The following POGLUT1 variants were observed in gnomAD, a reference collection of about 807,000 sequenced individuals.
The protein encoded by POGLUT1 is protein O-glucosyltransferase 1.
Under a neutral mutation model 61.3 loss-of-function variants are expected in POGLUT1, and 32 were observed. That is an observed-to-expected ratio of 0.52 (90% confidence interval 0.39 to 0.70). The LOEUF is 0.70. Ranked by LOEUF, POGLUT1 falls within the 30% of genes least tolerant of loss-of-function variation. The pLI is 0.00. For missense variants in POGLUT1, 411 were observed against 469.8 expected (o/e 0.87, Z 1.16); for synonymous variants, 158 against 158.2 (o/e 1.00, Z 0.01).
At chr3:119,481,571 C>T (rs1304356956) in intron 5 of POGLUT1, among the ~76,000 whole-genome samples, 1 of 152,184 alleles carries the variant, frequency 6.6e-6, no homozygotes, top group Non-Finnish European at 1.5e-5. Flanking sequence ...CTGCAGTCCT[C>T]AGTGGTGGGT....
At position 119,492,512 on chromosome 3, in the gene POGLUT1, G is replaced by C; in HGVS notation, c.*74G>C. 1 of 1,015,618 alleles carries C rather than the reference G, an allele frequency of 9.8e-7. No homozygotes were observed. Among genetic ancestry groups the C allele is most frequent in the African/African-American group, 1.6e-5 (1 of 62,040 alleles). The allele number at this position is 1,015,618 out of a possible 1,614,324, so 62.9% of individuals were successfully genotyped here. On this transcript the variant is annotated 3_prime_UTR_variant, in exon 11 of 11. Coordinates refer to ENST00000295588, the MANE Select transcript of POGLUT1 (RefSeq NM_152305.3). ...TCCTACGGTGAGAAGCTTACCATAAGCTTGGCACCTATACCTTGAATATCT... is the reference window on the plus strand; with the variant it reads ...TCCTACGGTGAGAAGCTTACCATAACCTTGGCACCTATACCTTGAATATCT...
rs1320603071 is a variant in POGLUT1, at chr3:119,494,517, G to A, written c.*2079G>A. On this transcript the variant is annotated 3_prime_UTR_variant, in exon 11 of 11. Transcript: ENST00000295588. Reference sequence around the variant, plus strand: ...GTTTACCTCAGTGTAGATGATATGAGGATGGTATAACTATGTAAATTGTTT... The same window carrying A: ...GTTTACCTCAGTGTAGATGATATGAAGATGGTATAACTATGTAAATTGTTT... The A allele has an allele frequency of 2.0e-5, 3 of 152,556 alleles. No homozygotes were observed. The highest frequency in any genetic ancestry group is 4.4e-5 in the Non-Finnish European group (3 of 68,014). The allele number at this position is 152,556 out of a possible 1,614,324, so 9.5% of individuals were successfully genotyped here. A position where few individuals can be genotyped will look rare whatever the true frequency, so the allele number is the denominator to read the frequency against.
At chr3:119,491,688 A>T in intron 10 of POGLUT1, 114 bp downstream of exon 10, 1 of 546,764 alleles carries the variant, frequency 1.8e-6, no homozygotes. Context: ...TATCCTCATT[A>T]TATGGAGATA....
chr3:119,490,487 T>TA, intron 8 of POGLUT1, 64 bp from the exon 9 acceptor site: 1 of 1,375,796 alleles, frequency 7.3e-7, no homozygotes, highest in Non-Finnish European at 1.0e-6. Context: ...AGAATAAGCA[T>TA]AAAAGGTCAT....
At chr3:119,487,141 C>T in intron 7 of POGLUT1, 1 of 559,486 alleles carries the variant, frequency 1.8e-6, no homozygotes, top group Non-Finnish European at 3.2e-6. Context: ...GTATATTGCA[C>T]TACTTTGAAG....
chr3:119,476,000 A>G, intron 3 of POGLUT1, among the ~76,000 whole-genome samples: 1 of 60,312 alleles, frequency 1.7e-5, no homozygotes, highest in South Asian at 5.6e-4. Flanking sequence ...ACACAAACAC[A>G]TACAGAGTTG....
chr3:119,471,850 G>A, intron 3 of POGLUT1: 1 of 251,244 alleles, frequency 4.0e-6, no homozygotes, highest in Non-Finnish European at 7.8e-6. Flanking sequence ...AAGGGGAGGT[G>A]GTAGAGTCAA....
At chr3:119,472,973 G>A (rs2081493186) in intron 3 of POGLUT1, among the ~76,000 whole-genome samples, 1 of 152,184 alleles carries the variant, frequency 6.6e-6, no homozygotes, top group Non-Finnish European at 1.5e-5. Flanking sequence ...CAAGGCTGCA[G>A]TAAGCCTGAG....
intron 8 of POGLUT1, 146 bp from the exon 9 acceptor site, chr3:119,490,405 A>G (rs1484513037): frequency 4.2e-6 from 3 of 714,812 alleles, no homozygotes; most frequent in Non-Finnish European, 7.2e-6. Context: ...TTAGGAACAT[A>G]TTAATGTGTC....
chr3:119,489,137 G>A (rs2081708842), intron 8 of POGLUT1, 150 bp downstream of exon 8: 1 of 502,566 alleles, frequency 2.0e-6, no homozygotes, highest in Non-Finnish European at 3.7e-6. Context: ...GGGCCTAAAT[G>A]CACTGACCTG....
intron 3 of POGLUT1, among the ~76,000 whole-genome samples, chr3:119,472,251 C>T (rs1036177676): frequency 9.9e-5 from 15 of 151,314 alleles, no homozygotes; most frequent in Middle Eastern, 6.8e-3. Flanking sequence ...GTACAAAACT[C>T]AGAGGGCATA....
Position 119,492,406 on chromosome 3 carries a change from A to G in POGLUT1, c.1147A>G (p.Ile383Val), listed in dbSNP as rs370784795. 2.1e-4 allele frequency: 332 copies of G among 1,604,778 alleles called. No homozygotes were observed. The highest frequency in any genetic ancestry group is 2.5e-4 in the Non-Finnish European group (291 of 1,174,466). Residue 383 changes from isoleucine (I) to valine (V), a missense_variant, in exon 11 of 11, where the codon ATT becomes GTT. By Grantham distance (29) the Ile-to-Val change is conservative (BLOSUM62 3). Transcript: ENST00000295588. ...NVTRRKGYDQ[I>V]IPKMLKTEL ...AACGAGAAGGAAAGGTTATGATCAA[A>G]TTATTCCCAAAATGTTGAAAACTGA... is the stretch of plus-strand genomic sequence containing the variant.
At chr3:119,470,049 G>A in intron 2 of POGLUT1, 139 bp downstream of exon 2, 1 of 626,856 alleles carries the variant, frequency 1.6e-6, no homozygotes, top group South Asian at 1.9e-5. Flanking sequence ...AAATGCTCTC[G>A]CATGGGAAAG....
chr3:119,486,364 G>A (rs927262797), intron 6 of POGLUT1, among the ~76,000 whole-genome samples: 2 of 152,066 alleles, frequency 1.3e-5, no homozygotes, highest in African/African-American at 2.4e-5. Flanking sequence ...ACATACAGTC[G>A]TCAGGTTTTT....
rs1428934466 is a variant in POGLUT1 at position 119,468,974 on chromosome 3, C to G, written c.-48C>G. 3.3e-6 allele frequency: 5 copies of G among 1,528,424 alleles called. No individual in the cohort carries two copies. The South Asian group carries it at 5.8e-5, about 18-fold the overall frequency. The allele number at this position is 1,528,424 out of a possible 1,614,324, so 94.7% of individuals were successfully genotyped here. A position where few individuals can be genotyped will look rare whatever the true frequency, so the allele number is the denominator to read the frequency against. ...CCCGGGCCATCTTTGTGCGGGGCCG[C>G]GCTTCCGCCAGCGCCGCAGCGGGGA... is the stretch of plus-strand genomic sequence containing the variant. On this transcript the variant is annotated 5_prime_UTR_variant, in exon 1 of 11. Transcript: ENST00000295588.
intron 5 of POGLUT1, among the ~76,000 whole-genome samples, chr3:119,481,124 AG>A (rs2081601925): frequency 8.2e-6 from 1 of 121,358 alleles, no homozygotes; most frequent in East Asian, 2.0e-4. Flanking sequence ...ACCTCGTCAT[AG>A]GGGGGATAGA....
At chr3:119,483,887 A>G (rs1362686694) in intron 5 of POGLUT1, among the ~76,000 whole-genome samples, 1 of 152,244 alleles carries the variant, frequency 6.6e-6, no homozygotes, top group Non-Finnish European at 1.5e-5. Flanking sequence ...GAAAGCTACT[A>G]ATATGAATAA....
chr3:119,483,642 G>A (rs1194991060), intron 5 of POGLUT1, among the ~76,000 whole-genome samples: 1 of 152,152 alleles, frequency 6.6e-6, no homozygotes, highest in Non-Finnish European at 1.5e-5. Flanking sequence ...AGTATGTATG[G>A]TGTGACCTCT....
At chr3:119,479,248 A>T (rs1175418467) in intron 4 of POGLUT1, among the ~76,000 whole-genome samples, 1 of 152,128 alleles carries the variant, frequency 6.6e-6, no homozygotes, top group African/African-American at 2.4e-5. Flanking sequence ...CTTTCAAAAG[A>T]TATGTGATAA....
Sources: allele counts gnomAD v4.1 joint callset (sites outside exome capture counted in the v4.1 genomes callset), GRCh38; gene constraint gnomAD v4.1.1; transcripts MANE v1.5; gene names NCBI Gene and HGNC (gene_info 2026-07-23, HGNC 2026-07-21).